CCDC112: variants seen among roughly 807,000 people sequenced by gnomAD.
CCDC112 encodes coiled-coil domain-containing protein 112.
In CCDC112, 40 loss-of-function variants were observed where a neutral mutation model predicts 66.3. That is an observed-to-expected ratio of 0.60 (90% CI 0.47 to 0.79). The LOEUF (loss-of-function observed/expected upper bound fraction) is 0.79. Among genes scored for constraint, CCDC112 ranks in the 30% least tolerant of loss-of-function variants. The pLI is 0.00. For synonymous variants in CCDC112, 214 were observed against 197.2 expected (o/e 1.09, Z -0.71); for missense variants, 659 against 603.8 (o/e 1.09, Z -0.96).
chr5:115,270,797 A>G (rs1007517026), intron 7 of CCDC112, among the ~76,000 whole-genome samples: 14 of 152,140 alleles, frequency 9.2e-5, no homozygotes, highest in African/African-American at 3.1e-4. Context: ...TGAAGTGTTA[A>G]TAGTCTCCAT....
intron 2 of CCDC112, among the ~76,000 whole-genome samples, chr5:115,280,714 C>A (rs958586518): frequency 6.6e-6 from 1 of 151,836 alleles, no homozygotes; most frequent in African/African-American, 2.4e-5. Context: ...AACCACCATG[C>A]CCAGCTAATT....
At position 115,271,304 on chromosome 5, in the gene CCDC112, A is replaced by T. The variant is rs181140069; in HGVS notation, c.1241T>A (p.Phe414Tyr). 5.3e-5 allele frequency: 86 copies of T among 1,611,552 alleles called. 2 individuals are homozygous for T. The East Asian group carries it at 1.3e-3, about 25-fold the overall frequency. ...YTQQKKEQEE[F>Y]LRLEKEIREK... ...CCTTATCTCCTTTTCAAGCCTCAAA[A>T]ATTCTTCCTGTTCTTTCTTCTGCTG... The change falls in exon 7 of 10, where the codon TTT (phenylalanine) becomes TAT (tyrosine). Residue 414 changes from phenylalanine (F) to tyrosine (Y), a missense_variant. Phe to Tyr is a conservative substitution (Grantham distance 22). Transcript: ENST00000379611.
At chr5:115,292,499 C>T (rs1044167987) in intron 1 of CCDC112, among the ~76,000 whole-genome samples, 4 of 152,320 alleles carry the variant, frequency 2.6e-5, no homozygotes, top group Non-Finnish European at 4.4e-5. Context: ...CAGTATTCCT[C>T]AGAGACAGTT....
chr5:115,272,377 T>C (rs1215546386), intron 6 of CCDC112, among the ~76,000 whole-genome samples: 5 of 152,226 alleles, frequency 3.3e-5, no homozygotes, highest in South Asian at 2.1e-4. Flanking sequence ...GTTAAGAACA[T>C]GAGCACTGAA....
intron 1 of CCDC112, among the ~76,000 whole-genome samples, chr5:115,285,850 A>T (rs919034336): frequency 2.0e-5 from 3 of 152,102 alleles, no homozygotes; most frequent in African/African-American, 7.2e-5. Context: ...ACAAGGAATG[A>T]CAGTGTCCAG....
chr5:115,296,299 C>T, intron 1 of CCDC112, 128 bp downstream of exon 1: 1 of 1,338,910 alleles, frequency 7.5e-7, no homozygotes, highest in Non-Finnish European at 9.5e-7. Flanking sequence ...ACGCCCAGCG[C>T]GTGCCAGGCC....
At chr5:115,296,125 T>C in intron 1 of CCDC112, 1 of 1,117,106 alleles carries the variant, frequency 9.0e-7, no homozygotes, top group African/African-American at 1.6e-5. Flanking sequence ...TGCATGTTAC[T>C]ATTCCCAATT....
At chr5:115,284,509 A>G (rs1749594253) in intron 2 of CCDC112, among the ~76,000 whole-genome samples, 1 of 152,232 alleles carries the variant, frequency 6.6e-6, no homozygotes, top group African/African-American at 2.4e-5. Context: ...TATTCGTTAT[A>G]TAAAATCTAA....
Position 115,269,688 on chromosome 5 carries a change from C to A in CCDC112, c.1428+15G>T. On this transcript the variant is annotated intron_variant, in intron 8 of 9. Coordinates refer to ENST00000379611, the MANE Select transcript of CCDC112 (RefSeq NM_001040440.3). The stretch of plus-strand genomic sequence containing the variant: ...TTAGGATAATAACAATGAAAATAAT[C>A]TCGGTGCAGAGTACCTTTTCTTTTA... 6.5e-7 allele frequency: 1 copy of A among 1,535,178 alleles called. No homozygotes were observed. The highest frequency in any genetic ancestry group is 1.2e-5 in the South Asian group (1 of 84,102).
chr5:115,285,770 G>C (rs1487425552), intron 1 of CCDC112, among the ~76,000 whole-genome samples: 1 of 152,110 alleles, frequency 6.6e-6, no homozygotes, highest in Non-Finnish European at 1.5e-5. Context: ...AAATTGATGG[G>C]AGGTGTGGGG....
chr5:115,288,762 T>C (rs906841416), intron 1 of CCDC112, among the ~76,000 whole-genome samples: 7 of 152,176 alleles, frequency 4.6e-5, no homozygotes, highest in African/African-American at 1.7e-4. Context: ...TATTCCACAC[T>C]ATTTTCTGGT....
At chr5:115,277,758 T>G (rs1749270214) in intron 3 of CCDC112, among the ~76,000 whole-genome samples, 1 of 152,184 alleles carries the variant, frequency 6.6e-6, no homozygotes, top group South Asian at 2.1e-4. Flanking sequence ...TCTTTCATAT[T>G]TTTTTCTGAA....
chr5:115,283,799 T>A (rs1448447561), intron 2 of CCDC112, among the ~76,000 whole-genome samples: 1 of 152,086 alleles, frequency 6.6e-6, no homozygotes, highest in Non-Finnish European at 1.5e-5. Context: ...ATAGGCTCCT[T>A]TTCTCATGTC....
At chr5:115,294,562 T>C (rs1750068367) in intron 1 of CCDC112, among the ~76,000 whole-genome samples, 1 of 152,226 alleles carries the variant, frequency 6.6e-6, no homozygotes, top group Non-Finnish European at 1.5e-5. Flanking sequence ...ACCAAGTCTG[T>C]AGCATTTTGT....
At chr5:115,294,205 A>G (rs1473040961) in intron 1 of CCDC112, among the ~76,000 whole-genome samples, 1 of 152,272 alleles carries the variant, frequency 6.6e-6, no homozygotes, top group Non-Finnish European at 1.5e-5. Flanking sequence ...TATTTACTCC[A>G]AAGTAATTTA....
intron 2 of CCDC112, 25 bp downstream of exon 2, chr5:115,284,762 T>C (rs779061253): frequency 5.8e-6 from 9 of 1,554,576 alleles, no homozygotes; most frequent in Non-Finnish European, 7.1e-6. Context: ...GTAATGTTAT[T>C]TGAAGATTAT....
In CCDC112 at chr5:115,279,174, A is replaced by G. The variant is rs1749334065; in HGVS notation, c.361+473T>C. 4.6e-5 allele frequency among the ~76,000 whole-genome samples: 7 copies of G among 152,202 alleles called. No homozygotes were observed. In the South Asian group the frequency reaches 1.4e-3, roughly 31 times the overall value. ...GTAGAAATGACAAGTTTTAGAATGT[A>G]GACAAGGAAACTCAGGTTTATGCAA... is the stretch of plus-strand genomic sequence containing the variant. On this transcript the variant is annotated intron_variant, in intron 3 of 9. Coordinates refer to ENST00000379611, the MANE Select transcript of CCDC112 (RefSeq NM_001040440.3).
chr5:115,278,872 G>T (rs1274735199), intron 3 of CCDC112, among the ~76,000 whole-genome samples: 1 of 152,092 alleles, frequency 6.6e-6, no homozygotes, highest in African/African-American at 2.4e-5. Flanking sequence ...TCTCTACATA[G>T]TAAGTCTTAA....
At chr5:115,271,922 CTTTTT>C (rs34279929) in intron 6 of CCDC112, among the ~76,000 whole-genome samples, 1 of 131,928 alleles carries the variant, frequency 7.6e-6, no homozygotes. Flanking sequence ...TTTACTGCTT[CTTTTT>C]TTTTTTTTTT....
Sources: allele counts gnomAD v4.1 joint callset (sites outside exome capture counted in the v4.1 genomes callset), GRCh38; gene constraint gnomAD v4.1.1; transcripts MANE v1.5; gene names NCBI Gene and HGNC (gene_info 2026-07-23, HGNC 2026-07-21).